The following NT5C3A variants were observed in gnomAD, a reference collection of about 807,000 sequenced individuals.
NT5C3A encodes 5'-nucleotidase, cytosolic IIIA, also known as cytosolic 5'-nucleotidase 3A.
A neutral mutation model predicts 40.0 loss-of-function variants in NT5C3A; 23 were observed. The ratio of observed to expected loss-of-function variants is 0.58; its 90% CI spans 0.41 to 0.81. The LOEUF is 0.81. Among genes scored for constraint, NT5C3A ranks in the 40% least tolerant of loss-of-function variants. The pLI, the probability that NT5C3A is intolerant of heterozygous loss-of-function variation, is 0.00. For missense variants in NT5C3A, 328 were observed against 403.0 expected, an observed-to-expected ratio of 0.81 and a Z score of 1.59; for synonymous variants, 130 against 141.4, an observed-to-expected ratio of 0.92 and a Z score of 0.57.
intron 7 of NT5C3A, 186 bp from the exon 8 acceptor site, chr7:33,016,056 A>C (rs1785306649): frequency 1.7e-6 from 1 of 589,828 alleles, no homozygotes; most frequent in African/African-American, 1.9e-5. Context: ...CGGAGAAGTA[A>C]ATGATTTTTT....
chr7:33,036,262 G>T, intron 1 of NT5C3A: 2 of 434,234 alleles, frequency 4.6e-6, no homozygotes, highest in Non-Finnish European at 8.5e-6. Context: ...TGGAAACACC[G>T]GCGGCACATA....
chr7:33,058,870 C>G (rs1236080370), intron 1 of NT5C3A, among the ~76,000 whole-genome samples: 1 of 152,260 alleles, frequency 6.6e-6, no homozygotes, highest in African/African-American at 2.4e-5. Context: ...ACTACTTCCT[C>G]TGCCCAAAAG....
chr7:33,030,840 C>A (rs547621050), intron 1 of NT5C3A, among the ~76,000 whole-genome samples: 1 of 152,266 alleles, frequency 6.6e-6, no homozygotes, highest in South Asian at 2.1e-4. Context: ...TGGCTCAGGC[C>A]TGTAATCCCA....
intron 1 of NT5C3A, among the ~76,000 whole-genome samples, chr7:33,028,664 C>A (rs1375095639): frequency 9.9e-5 from 15 of 152,188 alleles, no homozygotes; most frequent in Admixed American, 9.8e-4. Flanking sequence ...CCACGTAAAT[C>A]TATCAGATGC....
Position 33,062,732 on chromosome 7 carries a change from C to T in NT5C3A, c.-27G>A. On this transcript the variant is annotated 5_prime_UTR_variant, in exon 1 of 9. Coordinates refer to ENST00000610140, the MANE Select transcript of NT5C3A (RefSeq NM_001002010.5). Reference sequence around the variant, plus strand: ...GACGGGGCCCTCATGCGCGTCCAAGCAGGAAAAAAACAGGCAGCTCGCGTA... The same window carrying T: ...GACGGGGCCCTCATGCGCGTCCAAGTAGGAAAAAAACAGGCAGCTCGCGTA... 6.4e-7 allele frequency: 1 copy of T among 1,551,966 alleles called. No individual in the cohort carries two copies.
intron 3 of NT5C3A, 150 bp downstream of exon 3, chr7:33,023,889 C>T (rs1293229248): frequency 1.6e-6 from 1 of 622,380 alleles, no homozygotes; most frequent in Non-Finnish European, 2.8e-6. Flanking sequence ...GAAAAAAAAC[C>T]TCAAAAATAT....
chr7:33,019,441 T>C (rs1383130100), intron 6 of NT5C3A, among the ~76,000 whole-genome samples, 194 bp downstream of exon 6: 1 of 152,214 alleles, frequency 6.6e-6, no homozygotes, highest in African/African-American at 2.4e-5. Flanking sequence ...AGGCTCTTAC[T>C]ACCTACACCA....
chr7:33,028,813 CAGG>C (rs1167819826), intron 1 of NT5C3A, among the ~76,000 whole-genome samples: 1 of 151,968 alleles, frequency 6.6e-6, no homozygotes, highest in African/African-American at 2.4e-5. Flanking sequence ...CCCAGCACTT[CAGG>C]AGGTCGAGGT....
chr7:33,057,885 C>T (rs760557977), intron 1 of NT5C3A, among the ~76,000 whole-genome samples: 22 of 152,160 alleles, frequency 1.4e-4, no homozygotes, highest in East Asian at 1.9e-4. Flanking sequence ...CTCCCTTCCT[C>T]GTTGGTTTTT....
At chr7:33,017,162 AAC>A (rs1785378267) in intron 7 of NT5C3A, 1 of 407,208 alleles carries the variant, frequency 2.5e-6, no homozygotes, top group South Asian at 3.5e-5. Context: ...CAGCCTGGGC[AAC>A]AGAGTGAGAC....
At chr7:33,016,880 A>G (rs1363484086) in intron 7 of NT5C3A, among the ~76,000 whole-genome samples, 2 of 151,932 alleles carry the variant, frequency 1.3e-5, no homozygotes, top group Non-Finnish European at 2.9e-5. Flanking sequence ...GCTGCATTAA[A>G]ATATTTTAAA....
At chr7:33,036,687 T>G (rs1282985769) in intron 1 of NT5C3A, among the ~76,000 whole-genome samples, 2 of 152,220 alleles carry the variant, frequency 1.3e-5, no homozygotes, top group Admixed American at 6.5e-5. Flanking sequence ...GGGAAAATTA[T>G]GCATTGCTAC....
At chr7:33,031,615 T>G (rs1472631555) in intron 1 of NT5C3A, among the ~76,000 whole-genome samples, 3 of 151,914 alleles carry the variant, frequency 2.0e-5, no homozygotes, top group Non-Finnish European at 4.4e-5. Context: ...TAAAAAGATT[T>G]TGTATTAAAA....
At position 33,026,060 on chromosome 7, in the gene NT5C3A, C is replaced by CCTA. The variant is rs1216558650; in HGVS notation, c.237+756_237+757insTAG. 2.6e-5 allele frequency among the ~76,000 whole-genome samples: 4 copies of CCTA among 152,272 alleles called. No individual in the cohort carries two copies. In the East Asian group the frequency reaches 7.7e-4, roughly 29 times the overall value. On this transcript the variant is annotated intron_variant, in intron 2 of 8. Coordinates refer to ENST00000610140, the MANE Select transcript of NT5C3A (RefSeq NM_001002010.5). ...AATTAGCTGGGTGTGGTGGCAGGCA[C>CCTA]CTGTAATCCCAGCTGCTCTGGAAGC... is the stretch of plus-strand genomic sequence containing the variant.
At chr7:33,019,546 T>C in intron 6 of NT5C3A, 89 bp downstream of exon 6, 1 of 814,680 alleles carries the variant, frequency 1.2e-6, no homozygotes. Context: ...GAATATTCAA[T>C]CTTATTTTTA....
intron 2 of NT5C3A, among the ~76,000 whole-genome samples, chr7:33,026,353 G>GAAAAAAAAAAAA (rs1226260693): frequency 7.4e-5 from 7 of 94,154 alleles, no homozygotes; most frequent in Admixed American, 1.5e-4. Context: ...CATCTCAAAA[G>GAAAAAAAAAAAA]AAAAAAAAAA....
At chr7:33,055,319 GAAA>G (rs1310435975) in intron 1 of NT5C3A, among the ~76,000 whole-genome samples, 1 of 140,232 alleles carries the variant, frequency 7.1e-6, no homozygotes, top group Non-Finnish European at 1.6e-5. Flanking sequence ...CTTGGTGTCG[GAAA>G]AAAAAAAAAA....
intron 1 of NT5C3A, among the ~76,000 whole-genome samples, chr7:33,048,400 G>T (rs1355174615): frequency 1.3e-5 from 2 of 151,982 alleles, no homozygotes; most frequent in Non-Finnish European, 2.9e-5. Flanking sequence ...CATAATTCAG[G>T]TACTCATGAG....
chr7:33,029,508 A>AGCATATGT, intron 1 of NT5C3A: 1 of 456,062 alleles, frequency 2.2e-6, no homozygotes, highest in Non-Finnish European at 4.0e-6. Context: ...CACAGCAATC[A>AGCATATGT]GCATATGTTT....
Sources: gnomAD v4.1 joint callset for allele counts (sites outside exome capture counted in the v4.1 genomes callset) on GRCh38, gnomAD v4.1.1 for gene constraint, MANE v1.5 for transcripts, NCBI Gene and HGNC (gene_info 2026-07-23, HGNC 2026-07-21) for gene names.